The following TBC1D1 variants were observed in gnomAD, a reference collection of about 807,000 sequenced individuals.
TBC1D1 encodes the protein TBC1 (tre-2/USP6, BUB2, cdc16) domain family, member 1.
TBC1D1 carries 89 observed loss-of-function variants against 125.6 expected under a neutral mutation model. That is an observed-to-expected ratio of 0.71 (90% CI 0.60 to 0.85). The LOEUF (loss-of-function observed/expected upper bound fraction) is 0.85. Among genes scored for constraint, TBC1D1 ranks in the 40% least tolerant of loss-of-function variants. The probability of loss-of-function intolerance (pLI) is 0.00; values close to 1 mark genes in which losing one functional copy is unlikely to be tolerated. For synonymous variants in TBC1D1, 565 were observed against 564.1 expected (o/e 1.00, Z -0.02); for missense variants, 1,377 against 1,469.2 (o/e 0.94, Z 1.03).
At chr4:37,914,572 C>T (rs1484307312) in intron 2 of TBC1D1, among the ~76,000 whole-genome samples, 1 of 152,194 alleles carries the variant, frequency 6.6e-6, no homozygotes, top group Non-Finnish European at 1.5e-5. Flanking sequence ...TCTGTTCCTG[C>T]TTATTCTTTC....
intron 1 of TBC1D1, among the ~76,000 whole-genome samples, chr4:37,893,652 C>T (rs765919331): frequency 6.6e-6 from 1 of 152,004 alleles, no homozygotes; most frequent in Non-Finnish European, 1.5e-5. Flanking sequence ...AACCCTGTCT[C>T]TACAAAAATA....
chr4:38,071,264 G>A (rs1323147379), intron 12 of TBC1D1, among the ~76,000 whole-genome samples: 1 of 152,068 alleles, frequency 6.6e-6, no homozygotes, highest in African/African-American at 2.4e-5. Context: ...CCCTGGGAAA[G>A]AGCCCCCAAG....
At chr4:38,006,967 CCTT>C (rs1347729109) in intron 2 of TBC1D1, 4 of 430,618 alleles carry the variant, frequency 9.3e-6, no homozygotes, top group Non-Finnish European at 1.9e-5. Flanking sequence ...TCATAAGTCT[CCTT>C]CTTCTTGGCC....
In TBC1D1 at chr4:37,968,612, A is replaced by G. The variant is rs187589661; in HGVS notation, c.418-45897A>G. On this transcript the variant is annotated intron_variant, in intron 2 of 19. Coordinates refer to ENST00000261439, the MANE Select transcript of TBC1D1 (RefSeq NM_015173.4). ...AAGTCCTCACCTAATTTGTTCTTCT[A>G]CTTCTCCTCTACATTTTCTTTCCTT... Among the ~76,000 whole-genome samples the G allele has an allele frequency of 3.4e-4, 52 of 152,292 alleles. No individual in the cohort carries two copies. In the East Asian group the frequency reaches 8.9e-3, roughly 26 times the overall value.
chr4:38,099,122 G>A (rs1759862552), intron 14 of TBC1D1, among the ~76,000 whole-genome samples: 1 of 152,082 alleles, frequency 6.6e-6, no homozygotes, highest in Non-Finnish European at 1.5e-5. Context: ...CCTTTGACCC[G>A]GCAATGCCAT....
At chr4:38,129,505 G>A (rs1254119029) in intron 18 of TBC1D1, among the ~76,000 whole-genome samples, 2 of 152,182 alleles carry the variant, frequency 1.3e-5, no homozygotes, top group African/African-American at 4.8e-5. Flanking sequence ...TACAGATAGT[G>A]TGTGCCCCCT....
chr4:38,042,871 A>C (rs1054008096), intron 8 of TBC1D1, among the ~76,000 whole-genome samples: 2 of 152,134 alleles, frequency 1.3e-5, no homozygotes, highest in Non-Finnish European at 2.9e-5. Context: ...CAAAGAATAT[A>C]TCAGTATTTA....
chr4:38,072,083 G>A (rs562470920), intron 12 of TBC1D1, among the ~76,000 whole-genome samples: 1 of 152,332 alleles, frequency 6.6e-6, no homozygotes, highest in South Asian at 2.1e-4. Context: ...TCCTTTGTGA[G>A]ATAGGGCTAG....
Position 38,021,659 on chromosome 4 carries a change from C to G in TBC1D1, c.1151C>G (p.Ala384Gly). ...GTGCAGCAGACAGCTAAGGCGCCAG[C>G]CCAGCTGTGTGAGGGCTGCCCCCTG... is the stretch of plus-strand genomic sequence containing the variant. Residue 384 changes from alanine (A) to glycine (G), a missense_variant, in exon 6 of 20, where the codon GCC (alanine) becomes GGC (glycine). Around this residue, in one of 3 missense-constraint regions of TBC1D1, gnomAD observed 822 missense variants for 824.6 expected, o/e 1.00. Coordinates refer to ENST00000261439, the MANE Select transcript of TBC1D1 (RefSeq NM_015173.4). 6.3e-7 allele frequency: 1 copy of G among 1,598,212 alleles called. No homozygotes were observed. The highest frequency in any genetic ancestry group is 8.5e-7 in the Non-Finnish European group (1 of 1,172,666).
At chr4:37,961,165 C>A in intron 2 of TBC1D1, 3 of 1,054,438 alleles carry the variant, frequency 2.8e-6, no homozygotes, top group Non-Finnish European at 4.1e-6. Flanking sequence ...TCTGTCTCAG[C>A]TGTCCCTTGT....
intron 12 of TBC1D1, among the ~76,000 whole-genome samples, chr4:38,056,447 A>G (rs1751724298): frequency 6.6e-6 from 1 of 152,214 alleles, no homozygotes; most frequent in African/African-American, 2.4e-5. Flanking sequence ...GCTTTAAGTG[A>G]TTAACTCAAA....
At chr4:37,997,934 G>A (rs1738181384) in intron 2 of TBC1D1, among the ~76,000 whole-genome samples, 1 of 152,136 alleles carries the variant, frequency 6.6e-6, no homozygotes, top group Non-Finnish European at 1.5e-5. Context: ...TTTGAGAAGA[G>A]AAAACCCATG....
intron 15 of TBC1D1, among the ~76,000 whole-genome samples, chr4:38,115,498 C>A (rs1401423054): frequency 6.6e-6 from 1 of 152,160 alleles, no homozygotes; most frequent in Non-Finnish European, 1.5e-5. Context: ...ATAAATAAAA[C>A]AACCATGAGT....
At chr4:37,909,956 A>G (rs1718224015) in intron 2 of TBC1D1, among the ~76,000 whole-genome samples, 1 of 152,222 alleles carries the variant, frequency 6.6e-6, no homozygotes, top group Non-Finnish European at 1.5e-5. Context: ...GTCTATAAAA[A>G]GAATGTCCGG....
intron 2 of TBC1D1, among the ~76,000 whole-genome samples, chr4:37,975,427 G>A (rs1367807177): frequency 6.6e-6 from 1 of 152,212 alleles, no homozygotes; most frequent in Non-Finnish European, 1.5e-5. Flanking sequence ...TTAGGCCTCT[G>A]GATAACTGCG....
intron 4 of TBC1D1, among the ~76,000 whole-genome samples, chr4:38,019,098 C>T (rs927606991): frequency 4.6e-5 from 7 of 151,874 alleles, no homozygotes; most frequent in Non-Finnish European, 1.0e-4. Context: ...AAGAATCTAT[C>T]AATTAAGATT....
intron 18 of TBC1D1, among the ~76,000 whole-genome samples, chr4:38,126,203 A>G (rs1293211504): frequency 6.6e-6 from 1 of 152,232 alleles, no homozygotes; most frequent in Non-Finnish European, 1.5e-5. Flanking sequence ...AAACATAACT[A>G]AACATAGAAA....
chr4:38,054,393 T>TG, intron 12 of TBC1D1, 55 bp downstream of exon 14: 1 of 1,606,358 alleles, frequency 6.2e-7, no homozygotes, highest in South Asian at 1.1e-5. Context: ...CAGAGGACCC[T>TG]GGGAGCCCCA....
chr4:38,086,566 T>C (rs1454225340), intron 12 of TBC1D1, among the ~76,000 whole-genome samples: 1 of 152,214 alleles, frequency 6.6e-6, no homozygotes. Flanking sequence ...GTCTTTGTAT[T>C]CTGGACTTGG....
Sources: gnomAD v4.1 joint callset for allele counts (sites outside exome capture counted in the v4.1 genomes callset) on GRCh38, gnomAD v4.1.1 for gene constraint, gnomAD v4.1.1 regional missense constraint, MANE v1.5 for transcripts, NCBI Gene and HGNC (gene_info 2026-07-23, HGNC 2026-07-21) for gene names.